FAM47E: variants seen among roughly 807,000 people sequenced by gnomAD.
The protein encoded by FAM47E is protein FAM47E.
In FAM47E, 32 loss-of-function variants were observed where a neutral mutation model predicts 41.6. That is an observed-to-expected ratio of 0.77 (90% CI 0.58 to 1.03). The LOEUF is 1.03. Among genes scored for constraint, FAM47E ranks in the 50% least tolerant of loss-of-function variants. The pLI, the probability that FAM47E is intolerant of heterozygous loss-of-function variation, is 0.00. For missense variants in FAM47E, 424 were observed against 485.4 expected (o/e 0.87, Z 1.19); for synonymous variants, 184 against 188.7 (o/e 0.98, Z 0.20).
At chr4:76,241,345 T>G (rs1487445075) in intron 2 of FAM47E, among the ~76,000 whole-genome samples, 1 of 151,952 alleles carries the variant, frequency 6.6e-6, no homozygotes, top group African/African-American at 2.4e-5. Flanking sequence ...CCAGAGGAGG[T>G]GGAGTTTGCC....
chr4:76,270,362 A>T (rs1034237955), intron 4 of FAM47E, among the ~76,000 whole-genome samples: 8 of 152,170 alleles, frequency 5.3e-5, no homozygotes, highest in Admixed American at 5.2e-4. Context: ...TGAATTAACC[A>T]TTATGATTAA....
intron 2 of FAM47E, among the ~76,000 whole-genome samples, chr4:76,224,475 G>A (rs976347367): frequency 2.0e-5 from 3 of 152,128 alleles, no homozygotes; most frequent in African/African-American, 7.2e-5. Flanking sequence ...TGTTGTAAAG[G>A]TGGCAGGAGA....
intron 3 of FAM47E, 139 bp downstream of exon 3, chr4:76,263,982 G>A (rs184221772): frequency 1.5e-6 from 2 of 1,313,740 alleles, no homozygotes; most frequent in Admixed American, 2.7e-5. Flanking sequence ...AGGGAAAGGA[G>A]TCCTAGGTAC....
intron 4 of FAM47E, 37 bp from the exon 5 acceptor site, chr4:76,271,531 G>C: frequency 3.2e-6 from 5 of 1,547,894 alleles, no homozygotes; most frequent in Non-Finnish European, 3.5e-6. Context: ...GCATTTCACC[G>C]ATTGCCCTCA....
intron 3 of FAM47E, among the ~76,000 whole-genome samples, chr4:76,265,732 GA>G (rs1734603333): frequency 6.6e-6 from 1 of 152,182 alleles, no homozygotes; most frequent in Non-Finnish European, 1.5e-5. Context: ...TAGAGGGTTA[GA>G]ATGTTCAGTC....
At chr4:76,220,105 TC>T (rs1733282840) in intron 2 of FAM47E, among the ~76,000 whole-genome samples, 1 of 152,184 alleles carries the variant, frequency 6.6e-6, no homozygotes, top group Non-Finnish European at 1.5e-5. Flanking sequence ...AAATCACAGT[TC>T]TTTAAAAAGT....
chr4:76,257,464 G>A (rs1393880051), intron 2 of FAM47E, among the ~76,000 whole-genome samples: 1 of 152,138 alleles, frequency 6.6e-6, no homozygotes, highest in Non-Finnish European at 1.5e-5. Flanking sequence ...GCCTTCCAGT[G>A]TCCCCTTCTC....
In FAM47E at chr4:76,228,260, A is replaced by G. The variant is rs992922473; in HGVS notation, c.81+10572A>G. Among the ~76,000 whole-genome samples the G allele has an allele frequency of 2.0e-5, 3 of 152,120 alleles. No homozygotes were observed. The East Asian group carries it at 5.8e-4, about 29-fold the overall frequency. On this transcript the variant is annotated intron_variant, in intron 2 of 7. Transcript: ENST00000510197. The stretch of plus-strand genomic sequence containing the variant: ...GGGGAGGCTGAGGGGGGTGCAGATC[A>G]TTTGAGATCAGGAGTTAGAGACCAG...
intron 2 of FAM47E, among the ~76,000 whole-genome samples, chr4:76,221,352 CTT>C (rs1434000068): frequency 5.9e-5 from 9 of 152,174 alleles, no homozygotes; most frequent in African/African-American, 2.2e-4. Flanking sequence ...AAGTTTCGCT[CTT>C]GTTGCTCAGG....
chr4:76,257,486 G>A (rs1425863723), intron 2 of FAM47E, among the ~76,000 whole-genome samples: 1 of 152,124 alleles, frequency 6.6e-6, no homozygotes, highest in Non-Finnish European at 1.5e-5. Flanking sequence ...CTCAGAGAAA[G>A]CCAGAGTTCT....
At chr4:76,235,174 C>T (rs28530675) in intron 2 of FAM47E, among the ~76,000 whole-genome samples, 110,146 of 151,868 alleles carry the variant, frequency 0.73, 41,164 homozygotes, top group East Asian at 0.81. Context: ...AAAAATTAGC[C>T]GGGCGTGGTG....
chr4:76,253,808 T>TA (rs11410378), intron 1 of FAM47E, among the ~76,000 whole-genome samples: 38,091 of 144,938 alleles, frequency 0.26, 5,040 homozygotes, highest in East Asian at 0.47. Context: ...TGTCTCGAAT[T>TA]AAAAAAAAAA....
intron 5 of FAM47E, among the ~76,000 whole-genome samples, chr4:76,274,926 C>G (rs1196651731): frequency 6.6e-6 from 1 of 152,194 alleles, no homozygotes; most frequent in Non-Finnish European, 1.5e-5. Flanking sequence ...CATCTCAATT[C>G]AGAGAGTCCA....
chr4:76,220,657 AC>A (rs1370374904), intron 2 of FAM47E, among the ~76,000 whole-genome samples: 1 of 152,182 alleles, frequency 6.6e-6, no homozygotes, highest in Non-Finnish European at 1.5e-5. Context: ...ACATGCTACT[AC>A]AGTGCAGACT....
intron 2 of FAM47E, among the ~76,000 whole-genome samples, chr4:76,259,712 CAT>C (rs776457922): frequency 5.9e-5 from 9 of 152,260 alleles, no homozygotes; most frequent in East Asian, 3.9e-4. Flanking sequence ...TAGTCTAACA[CAT>C]GTGGCAGAAA....
chr4:76,275,311 G>A (rs1735049846), intron 5 of FAM47E, among the ~76,000 whole-genome samples: 1 of 152,134 alleles, frequency 6.6e-6, no homozygotes, highest in African/African-American at 2.4e-5. Flanking sequence ...TTAGACACAG[G>A]AAGTATGCTG....
At chr4:76,244,147 G>A (rs1007847616) in intron 2 of FAM47E, among the ~76,000 whole-genome samples, 15 of 152,110 alleles carry the variant, frequency 9.9e-5, no homozygotes, top group Non-Finnish European at 2.1e-4. Flanking sequence ...TATCATTGAT[G>A]GACATTTGGG....
intron 2 of FAM47E, among the ~76,000 whole-genome samples, chr4:76,242,121 T>TA (rs1733724616): frequency 6.6e-6 from 1 of 152,216 alleles, no homozygotes; most frequent in Admixed American, 6.5e-5. Flanking sequence ...ACAGGAAACT[T>TA]ACGGATAAAT....
At chr4:76,262,665 A>G (rs1404459723) in intron 2 of FAM47E, among the ~76,000 whole-genome samples, 1 of 152,174 alleles carries the variant, frequency 6.6e-6, no homozygotes, top group Non-Finnish European at 1.5e-5. Flanking sequence ...GAATGAAGAG[A>G]TGTCCTTTTT....
Sources: allele counts gnomAD v4.1 joint callset (sites outside exome capture counted in the v4.1 genomes callset), GRCh38; gene constraint gnomAD v4.1.1; transcripts MANE v1.5; gene names NCBI Gene and HGNC (gene_info 2026-07-23, HGNC 2026-07-21).